UGT2B28: variants seen among roughly 807,000 people sequenced by gnomAD.
The protein encoded by UGT2B28 is UDP-glucuronosyltransferase 2B28.
In UGT2B28, 45 loss-of-function variants were observed where a neutral mutation model predicts 43.6. The observed-to-expected ratio is 1.03, with a 90% confidence interval of 0.81 to 1.32. The LOEUF (loss-of-function observed/expected upper bound fraction) is 1.32. Among genes scored for constraint, UGT2B28 ranks in the 40% most tolerant of loss-of-function variants. UGT2B28 has a pLI of 0.00. For missense variants in UGT2B28, 649 were observed against 625.5 expected (o/e 1.04, Z -0.40); for synonymous variants, 204 against 208.1 (o/e 0.98, Z 0.17).
intron 5 of UGT2B28, among the ~76,000 whole-genome samples, chr4:69,293,669 T>A (rs2132039): frequency 7.3e-6 from 1 of 137,634 alleles, no homozygotes; most frequent in Non-Finnish European, 1.5e-5. Context: ...AGTGCTAAGA[T>A]GAGAACACCT....
chr4:69,292,422 T>A (rs1213698540), intron 5 of UGT2B28, among the ~76,000 whole-genome samples: 2 of 140,038 alleles, frequency 1.4e-5, no homozygotes, highest in Non-Finnish European at 3.1e-5. Flanking sequence ...TTAAAGAAGA[T>A]GGGAAATAAT....
In UGT2B28 at chr4:69,294,476, A is replaced by G. The variant is rs1560568817; in HGVS notation, c.1311-54A>G. 5.5e-6 allele frequency: 8 copies of G among 1,454,622 alleles called. 2 individuals are homozygous for G. The East Asian group carries it at 1.2e-4, about 22-fold the overall frequency. The allele number at this position is 1,454,622 out of a possible 1,614,324, so 90.1% of individuals were successfully genotyped here. ...TAAAAGCCTTTCATAGACTTGATAC[A>G]TACAGGCCAGTTAACTTACTTTCAG... On this transcript the variant is annotated intron_variant, in intron 5 of 5. Coordinates refer to ENST00000335568, the MANE Select transcript of UGT2B28 (RefSeq NM_053039.2).
At position 69,294,687 on chromosome 4, in the gene UGT2B28, T is replaced by C. The variant is rs770618845; in HGVS notation, c.1468T>C (p.Ser490Pro). 18 of 1,560,006 alleles carry C rather than the reference T, an allele frequency of 1.2e-5. 1 individual carries two copies. The highest frequency in any genetic ancestry group is 1.5e-5 in the Non-Finnish European group (17 of 1,155,466). The part of the protein sequence containing the change: ...ARDLTWFQYH[S>P]LDVIGFLLAC... ...TGACCTCACCTGGTTCCAGTACCAC[T>C]CTTTGGATGTGATTGGGTTTCTGCT... Residue 490 changes from serine to proline, a missense_variant, in exon 6 of 6, where the codon TCT becomes CCT. Coordinates refer to ENST00000335568, the MANE Select transcript of UGT2B28 (RefSeq NM_053039.2).
Position 69,280,729 on chromosome 4 carries a change from T to C in UGT2B28, c.229T>C (p.Tyr77His). ...CGCATTCACTCTTAAACTCGAAGTT[T>C]ATCCTACATCTTTAACTAAAACTGA... The part of the protein sequence containing the change: ...NDAFTLKLEV[Y>H]PTSLTKTEFE... Residue 77 changes from tyrosine (Y) to histidine (H), a missense_variant, in exon 1 of 6, where the codon TAT (tyrosine) becomes CAT (histidine). Tyr to His is a moderately conservative substitution (Grantham distance 83, BLOSUM62 2). Transcript: ENST00000335568. 6.4e-7 allele frequency: 1 copy of C among 1,561,128 alleles called. No individual in the cohort carries two copies. Among genetic ancestry groups the C allele is most frequent in the Non-Finnish European group, 8.7e-7 (1 of 1,156,040 alleles).
Position 69,287,239 on chromosome 4 carries a change from A to G in UGT2B28, c.1002+356A>G, listed in dbSNP as rs184146381. 2.1e-5 allele frequency among the ~76,000 whole-genome samples: 3 copies of G among 141,120 alleles called. 1 individual carries two copies. In the East Asian group the frequency reaches 6.1e-4, roughly 29 times the overall value. The allele number at this position is 141,120 out of a possible 152,430, so 92.6% of individuals were successfully genotyped here. A position where few individuals can be genotyped will look rare whatever the true frequency, so the allele number is the denominator to read the frequency against. On this transcript the variant is annotated intron_variant, in intron 3 of 5. Coordinates refer to ENST00000335568, the MANE Select transcript of UGT2B28 (RefSeq NM_053039.2). ...AAATTAACTCAATATATTTCAGGTA[A>G]GTGAAAATGGTGCCTAATGTAGTCT...
Position 69,282,568 on chromosome 4 carries a change from G to A in UGT2B28, c.776G>A (p.Arg259Gln), listed in dbSNP as rs765430425. The change falls in exon 2 of 6, where the codon CGA (arginine) becomes CAA (glutamine). Residue 259 changes from arginine (R) to glutamine (Q), a missense_variant. Coordinates refer to ENST00000335568, the MANE Select transcript of UGT2B28 (RefSeq NM_053039.2). Reference sequence around the variant, plus strand: ...GGGAAAGCTGACATATGGCTTATGCGAAACTCCTGGAGTTTTCAATTTCCT... The same window carrying A: ...GGGAAAGCTGACATATGGCTTATGCAAAACTCCTGGAGTTTTCAATTTCCT... ...TMGKADIWLM[R>Q]NSWSFQFPHP... 5.3e-5 allele frequency: 83 copies of A among 1,553,696 alleles called. 14 individuals carry two copies. The highest frequency in any genetic ancestry group is 1.1e-4 in the South Asian group (9 of 83,182).
intron 1 of UGT2B28, among the ~76,000 whole-genome samples, chr4:69,282,065 A>G (rs1270314439): frequency 7.1e-6 from 1 of 140,228 alleles, no homozygotes; most frequent in African/African-American, 2.8e-5. Context: ...GTTCACTTGA[A>G]GAACCAAAGA....
At chr4:69,285,693 C>T (rs1381655489) in intron 2 of UGT2B28, among the ~76,000 whole-genome samples, 2 of 141,114 alleles carry the variant, frequency 1.4e-5, no homozygotes, top group Non-Finnish European at 3.0e-5. Context: ...AAGTTTTACC[C>T]CAATGATTAA....
At chr4:69,284,106 A>G (rs4495113) in intron 2 of UGT2B28, among the ~76,000 whole-genome samples, 136,334 of 138,846 alleles carry the variant, frequency 0.98, 67,460 homozygotes, top group Middle Eastern at 1. Flanking sequence ...GATGTCTGCC[A>G]TATGACAAGC....
At chr4:69,292,491 G>A (rs1205859823) in intron 5 of UGT2B28, among the ~76,000 whole-genome samples, 2 of 140,850 alleles carry the variant, frequency 1.4e-5, no homozygotes, top group South Asian at 4.7e-4. Flanking sequence ...CAAAGTGGTA[G>A]ATTTAAATGT....
rs369679737 is a variant in UGT2B28, at chr4:69,291,245, G to A, written c.1310+434G>A. ...AGACTTGAAAATGAGATTTAATTTCGATAGCTTAAAATCCACCTATTTATG... is the reference window on the plus strand; with the variant it reads ...AGACTTGAAAATGAGATTTAATTTCAATAGCTTAAAATCCACCTATTTATG... On this transcript the variant is annotated intron_variant, in intron 5 of 5. Transcript: ENST00000335568. 2.9e-5 allele frequency among the ~76,000 whole-genome samples: 4 copies of A among 138,626 alleles called. 1 individual carries two copies. Among genetic ancestry groups the A allele is most frequent in the Non-Finnish European group, 3.1e-5 (2 of 65,254 alleles). 90.9% of individuals were successfully genotyped at this position (138,626 alleles called of 152,430 possible).
Position 69,290,602 on chromosome 4 carries a change from A to G in UGT2B28, c.1101A>G (p.Lys367=), listed in dbSNP as rs773610656. ...TTCATCCAATCCTAGGTCTTCCAAAAACCAGAGCTTTTATAACTCATGGTG... is the reference window on the plus strand; with the variant it reads ...TTCATCCAATCCTAGGTCTTCCAAAGACCAGAGCTTTTATAACTCATGGTG... The part of the protein sequence containing the change: ...IPQNDLLGLP[K]TRAFITHGGA... The change falls in exon 5 of 6, where the codon AAA becomes AAG. Residue 367 remains lysine, a synonymous_variant. Coordinates refer to ENST00000335568, the MANE Select transcript of UGT2B28 (RefSeq NM_053039.2). 2 of 1,557,198 alleles carry G rather than the reference A, an allele frequency of 1.3e-6. No individual in the cohort carries two copies. The highest frequency in any genetic ancestry group is 1.7e-6 in the Non-Finnish European group (2 of 1,153,750).
At chr4:69,292,823 G>T (rs569611808) in intron 5 of UGT2B28, among the ~76,000 whole-genome samples, 1 of 139,364 alleles carries the variant, frequency 7.2e-6, no homozygotes, top group East Asian at 2.1e-4. Context: ...AATAACGGAG[G>T]TTAAAAATAC....
At position 69,282,885 on chromosome 4, in the gene UGT2B28, A is replaced by T. The variant is rs527905315; in HGVS notation, c.870+223A>T. Among the ~76,000 whole-genome samples the T allele has an allele frequency of 6.4e-5, 9 of 140,108 alleles. 1 individual carries two copies. In the East Asian group the frequency reaches 1.8e-3, roughly 29 times the overall value. 91.9% of individuals were successfully genotyped at this position (140,108 alleles called of 152,430 possible). A position where few individuals can be genotyped will look rare whatever the true frequency, so the allele number is the denominator to read the frequency against. ...AGAGGAATAGTAAGGAGACTTTGAAAATAGGGTTGATTAAAGTCTTGATTA... is the reference window on the plus strand; with the variant it reads ...AGAGGAATAGTAAGGAGACTTTGAATATAGGGTTGATTAAAGTCTTGATTA... On this transcript the variant is annotated intron_variant, in intron 2 of 5. Coordinates refer to ENST00000335568, the MANE Select transcript of UGT2B28 (RefSeq NM_053039.2).
chr4:69,289,551 A>G, intron 3 of UGT2B28, 114 bp from the exon 4 acceptor site: 1 of 961,942 alleles, frequency 1.0e-6, no homozygotes, highest in East Asian at 2.8e-5. Flanking sequence ...TCAATCTCTG[A>G]GTAGATTTAT....
chr4:69,284,517 G>A lies in UGT2B28; in HGVS notation c.870+1855G>A, dbSNP rs181283337. On this transcript the variant is annotated intron_variant, in intron 2 of 5. Coordinates refer to ENST00000335568, the MANE Select transcript of UGT2B28 (RefSeq NM_053039.2). ...GTCACTTTCTCAAGAGACAAAAGCT[G>A]AGGTAAAGACTAATGAAAAATCTGC... is the stretch of plus-strand genomic sequence containing the variant. Among the ~76,000 whole-genome samples, 23 of 140,234 alleles carry A rather than the reference G, an allele frequency of 1.6e-4. 2 individuals are homozygous for A. In the East Asian group the frequency reaches 4.7e-3, roughly 29 times the overall value. 92.0% of individuals were successfully genotyped at this position (140,234 alleles called of 152,430 possible). A position where few individuals can be genotyped will look rare whatever the true frequency, so the allele number is the denominator to read the frequency against.
intron 3 of UGT2B28, among the ~76,000 whole-genome samples, chr4:69,287,148 A>G (rs1297893321): frequency 7.1e-6 from 1 of 140,262 alleles, no homozygotes; most frequent in Non-Finnish European, 1.5e-5. Flanking sequence ...ATATGTATCC[A>G]CAAAAGGGAA....
chr4:69,291,683 G>T lies in UGT2B28; in HGVS notation c.1310+872G>T, dbSNP rs1302915851. 3.6e-5 allele frequency among the ~76,000 whole-genome samples: 5 copies of T among 139,826 alleles called. 1 individual carries two copies. The highest frequency in any genetic ancestry group is 1.4e-4 in the African/African-American group (5 of 35,810). 91.7% of individuals were successfully genotyped at this position (139,826 alleles called of 152,430 possible). A position where few individuals can be genotyped will look rare whatever the true frequency, so the allele number is the denominator to read the frequency against. ...GATTGTTTCCAATTGTGGCTACTAA[G>T]AATATTGCTATACATGTCTTTGCAT... On this transcript the variant is annotated intron_variant, in intron 5 of 5. Coordinates refer to ENST00000335568, the MANE Select transcript of UGT2B28 (RefSeq NM_053039.2).
At chr4:69,290,977 G>A (rs1244626992) in intron 5 of UGT2B28, among the ~76,000 whole-genome samples, 166 bp downstream of exon 5, 1 of 140,026 alleles carries the variant, frequency 7.1e-6, no homozygotes, top group Admixed American at 7.2e-5. Context: ...TAAAAATTGT[G>A]CTTGAATCCC....
Sources: gnomAD v4.1 joint callset for allele counts (sites outside exome capture counted in the v4.1 genomes callset) on GRCh38, gnomAD v4.1.1 for gene constraint, MANE v1.5 for transcripts, NCBI Gene and HGNC (gene_info 2026-07-23, HGNC 2026-07-21) for gene names.